The following MINDY4B variants were observed in gnomAD, a reference collection of about 807,000 sequenced individuals.
MINDY4B encodes the protein inactive ubiquitin carboxyl-terminal hydrolase MINDY-4B.
In MINDY4B, 25 loss-of-function variants were observed where a neutral mutation model predicts 16.7. The observed-to-expected ratio is 1.49, with a 90% CI of 1.09 to 2.09. The LOEUF (loss-of-function observed/expected upper bound fraction) is 2.09. MINDY4B is among the 30% of genes most tolerant of loss of function. The pLI, the probability that MINDY4B is intolerant of heterozygous loss-of-function variation, is 0.00. For missense variants in MINDY4B, 327 were observed against 168.4 expected, an observed-to-expected ratio of 1.94 and a Z score of -5.21; for synonymous variants, 132 against 61.9, an observed-to-expected ratio of 2.13 and a Z score of -5.32.
intron 3 of MINDY4B, among the ~76,000 whole-genome samples, chr3:150,897,664 C>T (rs9680928): frequency 0.076 from 11,588 of 152,190 alleles, 785 homozygotes; most frequent in African/African-American, 0.18. Context: ...ATTTATTTCC[C>T]GGCCATCTCT....
chr3:150,904,553 T>C (rs529754711), intron 2 of MINDY4B, among the ~76,000 whole-genome samples: 1 of 152,362 alleles, frequency 6.6e-6, no homozygotes, highest in South Asian at 2.1e-4. Flanking sequence ...TCCATTACCT[T>C]CTAACCTTTT....
intron 2 of MINDY4B, among the ~76,000 whole-genome samples, 175 bp downstream of exon 2, chr3:150,904,887 A>T (rs1712202716): frequency 6.6e-6 from 1 of 152,238 alleles, no homozygotes; most frequent in African/African-American, 2.4e-5. Context: ...AGAAATCCAT[A>T]AAAAAGCACA....
chr3:150,900,673 G>A (rs554216351), intron 3 of MINDY4B, among the ~76,000 whole-genome samples: 1 of 151,906 alleles, frequency 6.6e-6, no homozygotes, highest in African/African-American at 2.4e-5. Context: ...TCTATTTCTG[G>A]GACTTTCTTA....
chr3:150,876,690 G>A (rs1711497429), intron 10 of MINDY4B, among the ~76,000 whole-genome samples: 2 of 152,164 alleles, frequency 1.3e-5, no homozygotes, highest in Admixed American at 6.5e-5. Flanking sequence ...AAAACGTAAA[G>A]GGGGAAGAAG....
At chr3:150,886,294 G>A (rs1006096636) in intron 7 of MINDY4B, among the ~76,000 whole-genome samples, 2 of 152,150 alleles carry the variant, frequency 1.3e-5, no homozygotes, top group Non-Finnish European at 2.9e-5. Flanking sequence ...TCTTCTTTAC[G>A]GAGACTTTTG....
chr3:150,892,863 C>T (rs1011643215), intron 5 of MINDY4B, among the ~76,000 whole-genome samples: 1 of 150,972 alleles, frequency 6.6e-6, no homozygotes, highest in African/African-American at 2.4e-5. Context: ...TCACTTGAAC[C>T]TGGGAGGCGG....
chr3:150,887,062 A>G (rs1559966428), intron 7 of MINDY4B, among the ~76,000 whole-genome samples: 1 of 152,214 alleles, frequency 6.6e-6, no homozygotes, highest in Non-Finnish European at 1.5e-5. Flanking sequence ...TAACAACAAT[A>G]ATAATAGTGT....
At chr3:150,876,048 T>C (rs1711496668) in intron 10 of MINDY4B, among the ~76,000 whole-genome samples, 1 of 152,232 alleles carries the variant, frequency 6.6e-6, no homozygotes, top group African/African-American at 2.4e-5. Flanking sequence ...TTGGTGAGAT[T>C]CCATCAATGC....
At chr3:150,896,948 C>T (rs6767244) in intron 3 of MINDY4B, among the ~76,000 whole-genome samples, 10,350 of 152,188 alleles carry the variant, frequency 0.068, 804 homozygotes, top group African/African-American at 0.18. Flanking sequence ...AACAATGCTA[C>T]AAATTACAGC....
At chr3:150,893,301 A>G (rs1711864795) in intron 5 of MINDY4B, 23 bp downstream of exon 5, 2 of 702,496 alleles carry the variant, frequency 2.8e-6, no homozygotes, top group Non-Finnish European at 2.6e-6. Context: ...GGGTAATTCA[A>G]GTACTTCTCA....
chr3:150,887,980 C>A (rs908763575), intron 7 of MINDY4B, among the ~76,000 whole-genome samples: 2 of 151,596 alleles, frequency 1.3e-5, no homozygotes, highest in African/African-American at 4.9e-5. Context: ...TGGTGGCGGG[C>A]GCCTGTAGTC....
intron 7 of MINDY4B, among the ~76,000 whole-genome samples, chr3:150,889,176 T>C (rs143892925): frequency 2.6e-5 from 4 of 152,386 alleles, no homozygotes; most frequent in East Asian, 1.9e-4. Context: ...CTTACAGTTC[T>C]AGAAGTCAGA....
At chr3:150,890,827 G>C in intron 6 of MINDY4B, 111 bp downstream of exon 6, 1 of 622,154 alleles carries the variant, frequency 1.6e-6, no homozygotes, top group Non-Finnish European at 2.9e-6. Flanking sequence ...AGGCACCTCC[G>C]GTCACATCAG....
chr3:150,874,003 T>G (rs1339683286), intron 10 of MINDY4B, among the ~76,000 whole-genome samples: 2 of 139,058 alleles, frequency 1.4e-5, no homozygotes, highest in Middle Eastern at 3.3e-3. Context: ...AATTTAGCCT[T>G]GATTTTTTTT....
At position 150,891,109 on chromosome 3, in the gene MINDY4B, A is replaced by T. The variant is rs964096299; in HGVS notation, c.522-6T>A. ...TCTTGCTTATTTCACATAAGCTATA[A>T]TGCAGAAGGCAGGAGTAGGAAACCA... On this transcript the variant is annotated splice_region_variant and splice_polypyrimidine_tract_variant and intron_variant, in intron 5 of 11. Transcript: ENST00000465419. 4.3e-6 allele frequency: 3 copies of T among 697,356 alleles called. No individual in the cohort carries two copies. The African/African-American group carries it at 5.2e-5, about 12-fold the overall frequency. 43.2% of individuals were successfully genotyped at this position (697,356 alleles called of 1,614,324 possible). A position where few individuals can be genotyped will look rare whatever the true frequency, so the allele number is the denominator to read the frequency against.
At chr3:150,897,857 A>G (rs1712018156) in intron 3 of MINDY4B, among the ~76,000 whole-genome samples, 1 of 152,208 alleles carries the variant, frequency 6.6e-6, no homozygotes, top group African/African-American at 2.4e-5. Flanking sequence ...GGTGTGTGCT[A>G]TGGTCAAAGA....
intron 9 of MINDY4B, 94 bp from the exon 10 acceptor site, chr3:150,883,152 GT>G (rs1411433680): frequency 1.7e-6 from 1 of 574,806 alleles, no homozygotes; most frequent in Non-Finnish European, 3.1e-6. Flanking sequence ...ATTATTTTTA[GT>G]GAAAAGAATG....
At chr3:150,904,970 T>G (rs894941726) in intron 2 of MINDY4B, 92 bp downstream of exon 2, 3 of 398,172 alleles carry the variant, frequency 7.5e-6, no homozygotes, top group Non-Finnish European at 1.3e-5. Context: ...AGTGACATTA[T>G]GTGCAAAGAA....
intron 2 of MINDY4B, among the ~76,000 whole-genome samples, chr3:150,904,570 AC>A (rs1712196638): frequency 6.6e-6 from 1 of 152,256 alleles, no homozygotes; most frequent in African/African-American, 2.4e-5. Context: ...TTTTCAGTTT[AC>A]ATGAGGTACA....
Sources: gnomAD v4.1 joint callset for allele counts (sites outside exome capture counted in the v4.1 genomes callset) on GRCh38, gnomAD v4.1.1 for gene constraint, MANE v1.5 for transcripts, NCBI Gene and HGNC (gene_info 2026-07-23, HGNC 2026-07-21) for gene names.